Variants in ERICH2 observed in about 807,000 individuals in gnomAD.
ERICH2 encodes the protein glutamate-rich protein 2.
A neutral mutation model predicts 17.4 loss-of-function variants in ERICH2; 17 were observed. The ratio of observed to expected loss-of-function variants is 0.98; its 90% confidence interval spans 0.67 to 1.47. ERICH2 has a LOEUF of 1.47. ERICH2 is among the 40% of genes most tolerant of loss of function. The probability of loss-of-function intolerance (pLI) is 0.00; values close to 1 mark genes in which losing one functional copy is unlikely to be tolerated. For synonymous variants in ERICH2, 51 were observed against 61.1 expected (o/e 0.83, Z 0.77); for missense variants, 186 against 183.2 (o/e 1.01, Z -0.09).
chr2:170,794,090 C>T, intron 3 of ERICH2, among the ~76,000 whole-genome samples: 1 of 137,870 alleles, frequency 7.3e-6, no homozygotes, highest in South Asian at 2.4e-4. Flanking sequence ...TTCCTTCCTT[C>T]TCTTTCCTTT....
the ERICH2 span, chr2:170,771,303 A>G: frequency 6.6e-6 from 1 of 151,604 alleles, no homozygotes; most frequent in Non-Finnish European, 1.5e-5. This position sits in a 1 kb window ranked among gnomAD's most constrained non-coding sequence, Gnocchi z 4.8. Flanking sequence ...GGACCGCTCT[A>G]CCGCACCTGG....
chr2:170,771,104 G>GC, the ERICH2 span: 1 of 154,028 alleles, frequency 6.5e-6, no homozygotes, highest in Admixed American at 6.6e-5. The surrounding 1 kb of genome is among the most constrained non-coding windows in gnomAD (Gnocchi z 4.8). Flanking sequence ...CCGACTCGGA[G>GC]CCCCCAGCTC....
intron 3 of ERICH2, among the ~76,000 whole-genome samples, chr2:170,795,826 G>C (rs916414044): frequency 6.6e-6 from 1 of 152,120 alleles, no homozygotes; most frequent in Admixed American, 6.5e-5. Context: ...TCTGCTCCCA[G>C]GCAGCCTGAG....
At chr2:170,777,473 C>T in the ERICH2 span, 1 of 1,181,922 alleles carries the variant, frequency 8.5e-7, no homozygotes, top group Non-Finnish European at 1.1e-6. Context: ...ACTATCTTGT[C>T]CTAAATAGTA....
chr2:170,791,210 A>C (rs1701281079), intron 2 of ERICH2, among the ~76,000 whole-genome samples: 1 of 152,190 alleles, frequency 6.6e-6, no homozygotes, highest in Non-Finnish European at 1.5e-5. Flanking sequence ...TACCATGTTT[A>C]AGACCATACC....
At chr2:170,774,194 T>C in the ERICH2 span, among the ~76,000 whole-genome samples, 10 of 152,212 alleles carry the variant, frequency 6.6e-5, no homozygotes, top group African/African-American at 2.4e-4. Context: ...ATCAGTACTT[T>C]AGGTAGTTTT....
intron 1 of ERICH2, 60 bp from the exon 7 acceptor site, chr2:170,784,586 A>G: frequency 8.9e-7 from 1 of 1,125,582 alleles, no homozygotes; most frequent in Non-Finnish European, 1.2e-6. Context: ...AGGATCTGGC[A>G]AAATTTAATT....
chr2:170,791,924 T>A (rs1701300582), intron 2 of ERICH2, among the ~76,000 whole-genome samples: 1 of 152,076 alleles, frequency 6.6e-6, no homozygotes, highest in Non-Finnish European at 1.5e-5. Flanking sequence ...ATGAGAAGGG[T>A]CTCTTTCATA....
chr2:170,781,253 C>A (rs921584603), upstream of ERICH2, among the ~76,000 whole-genome samples: 1 of 152,120 alleles, frequency 6.6e-6, no homozygotes, highest in African/African-American at 2.4e-5. Context: ...TACTTTACAT[C>A]TTTTTATATA....
rs35558124 is a variant in ERICH2, at chr2:170,794,742, TA to T, written c.274+1825del. On this transcript the variant is annotated intron_variant, in intron 3 of 4. Coordinates refer to ENST00000409885, the Ensembl canonical transcript of ERICH2. ...GTTAAACTTAAATTCATTCTTACAG[TA>T]AAGTCCTTAAGTGAAAATGTAGCAC... is the stretch of plus-strand genomic sequence containing the variant. Among the ~76,000 whole-genome samples, 593 of 152,346 alleles carry T rather than the reference TA, an allele frequency of 3.9e-3. 4 individuals carry two copies. The highest frequency in any genetic ancestry group is 0.013 in the African/African-American group (546 of 41,576).
chr2:170,776,450 T>C, the ERICH2 span, among the ~76,000 whole-genome samples: 1 of 152,214 alleles, frequency 6.6e-6, no homozygotes, highest in Non-Finnish European at 1.5e-5. Context: ...CGATCTCGGC[T>C]CACTGCAACT....
chr2:170,791,999 C>A (rs918023725), intron 2 of ERICH2, among the ~76,000 whole-genome samples: 2 of 152,080 alleles, frequency 1.3e-5, no homozygotes, highest in African/African-American at 4.8e-5. Flanking sequence ...CAGAATGTGT[C>A]ACACACAAGC....
chr2:170,788,546 A>G (rs1293694944), intron 2 of ERICH2, among the ~76,000 whole-genome samples: 1 of 151,946 alleles, frequency 6.6e-6, no homozygotes, highest in African/African-American at 2.4e-5. Context: ...ATCTCGGCTC[A>G]CTGCAGCCTC....
At chr2:170,778,770 A>G in the ERICH2 span, among the ~76,000 whole-genome samples, 1 of 152,312 alleles carries the variant, frequency 6.6e-6, no homozygotes, top group Non-Finnish European at 1.5e-5. Context: ...ACTTTCAATA[A>G]TAGTAATAGA....
At chr2:170,785,512 G>A in intron 2 of ERICH2, among the ~76,000 whole-genome samples, 1 of 152,044 alleles carries the variant, frequency 6.6e-6, no homozygotes, top group East Asian at 1.9e-4. Flanking sequence ...AAATAAATAA[G>A]AGAGACATGT....
intron 2 of ERICH2, among the ~76,000 whole-genome samples, chr2:170,786,124 C>G (rs1701155205): frequency 7.1e-6 from 1 of 140,058 alleles, no homozygotes; most frequent in East Asian, 2.0e-4. Context: ...ATTTCTGGAT[C>G]ATAGCTTTCT....
chr2:170,788,199 A>G (rs1701198820), intron 2 of ERICH2, among the ~76,000 whole-genome samples: 1 of 152,232 alleles, frequency 6.6e-6, no homozygotes, highest in African/African-American at 2.4e-5. Flanking sequence ...TTAATGCCAA[A>G]TATTAGAAAG....
At chr2:170,784,940 G>C in intron 2 of ERICH2, 107 bp downstream of exon 7, 1 of 944,146 alleles carries the variant, frequency 1.1e-6, no homozygotes, top group South Asian at 2.8e-5. Context: ...TAGATCTCAT[G>C]GAGGCAGAAC....
chr2:170,773,217 A>T, the ERICH2 span, among the ~76,000 whole-genome samples: 1 of 152,224 alleles, frequency 6.6e-6, no homozygotes, highest in Non-Finnish European at 1.5e-5. Context: ...AAGGGTGGTT[A>T]TCATCTTTGT....
Sources: gnomAD v4.1 joint callset for allele counts (sites outside exome capture counted in the v4.1 genomes callset) on GRCh38, gnomAD v4.1.1 for gene constraint, Gnocchi (gnomAD v3.1) non-coding constraint, MANE v1.5 for transcripts, NCBI Gene and HGNC (gene_info 2026-07-23, HGNC 2026-07-21) for gene names.